PTK2: variants seen among roughly 807,000 people sequenced by gnomAD.
PTK2 encodes the protein focal adhesion kinase 1.
Under a neutral mutation model 150.1 loss-of-function variants are expected in PTK2, and 45 were observed. That is an observed-to-expected ratio of 0.30 (90% CI 0.24 to 0.38). The LOEUF is 0.38. Ranked by LOEUF, PTK2 falls within the 10% of genes least tolerant of loss-of-function variation. The probability of loss-of-function intolerance (pLI) is 1.00; values close to 1 mark genes in which losing one functional copy is unlikely to be tolerated. For synonymous variants in PTK2, 432 were observed against 449.2 expected (o/e 0.96, Z 0.48); for missense variants, 919 against 1,307.3 (o/e 0.70, Z 4.58).
intron 2 of PTK2, among the ~76,000 whole-genome samples, chr8:140,914,138 T>C (rs2100164264): frequency 6.6e-6 from 1 of 152,172 alleles, no homozygotes; most frequent in Non-Finnish European, 1.5e-5. Flanking sequence ...AAGAAGTTAA[T>C]ATACACCTAA....
intron 7 of PTK2, among the ~76,000 whole-genome samples, chr8:140,839,761 G>A (rs1347748150): frequency 6.6e-6 from 1 of 152,148 alleles, no homozygotes; most frequent in Non-Finnish European, 1.5e-5. Flanking sequence ...AAATATATCT[G>A]TTGATTATTA....
chr8:140,922,426 T>C (rs1042163841), intron 2 of PTK2, among the ~76,000 whole-genome samples: 2 of 150,346 alleles, frequency 1.3e-5, no homozygotes, highest in Admixed American at 1.3e-4. Context: ...CATGAAAAAA[T>C]ATCCCCAGCC....
chr8:140,778,672 C>A (rs920634445), intron 14 of PTK2, among the ~76,000 whole-genome samples: 7 of 152,076 alleles, frequency 4.6e-5, no homozygotes, highest in Non-Finnish European at 8.8e-5. Flanking sequence ...TTTAACTTGG[C>A]CAAGTGAGTT....
intron 7 of PTK2, among the ~76,000 whole-genome samples, chr8:140,835,712 A>G (rs1253418761): frequency 6.6e-6 from 1 of 152,168 alleles, no homozygotes; most frequent in Admixed American, 6.5e-5. Flanking sequence ...AAGGGAAAGT[A>G]TTAAACAGCA....
rs572715227 is a variant in PTK2, at chr8:140,959,057, C to T, written c.-121-33308G>A. ...ACAAAAGAATATATACAGTATAATT[C>T]TATTCCTATAAAGTTTAAAACTATA... On this transcript the variant is annotated intron_variant, in intron 1 of 31. Transcript: ENST00000522684. Among the ~76,000 whole-genome samples, 107 of 152,172 alleles carry T rather than the reference C, an allele frequency of 7.0e-4. 4 individuals carry two copies. The South Asian group carries it at 0.018, about 25-fold the overall frequency.
intron 5 of PTK2, among the ~76,000 whole-genome samples, chr8:140,862,411 T>C (rs1410709376): frequency 6.6e-6 from 1 of 152,134 alleles, no homozygotes; most frequent in Non-Finnish European, 1.5e-5. Context: ...GTCTGTAAGA[T>C]GAAAATTATT....
intron 23 of PTK2, among the ~76,000 whole-genome samples, chr8:140,710,183 G>C (rs923419219): frequency 6.6e-6 from 1 of 151,668 alleles, no homozygotes; most frequent in African/African-American, 2.4e-5. Context: ...ATGAAAATCA[G>C]CTGGGCAATG....
At chr8:140,986,878 T>C (rs1311211699) in intron 1 of PTK2, among the ~76,000 whole-genome samples, 1 of 152,104 alleles carries the variant, frequency 6.6e-6, no homozygotes, top group Non-Finnish European at 1.5e-5. Flanking sequence ...AAATGAAAAT[T>C]AAATCATAAA....
intron 26 of PTK2, among the ~76,000 whole-genome samples, chr8:140,698,689 A>G (rs769867472): frequency 6.6e-6 from 1 of 152,152 alleles, no homozygotes; most frequent in African/African-American, 2.4e-5. Context: ...ATCTTGGCTC[A>G]CTGCAACCTC....
intron 2 of PTK2, among the ~76,000 whole-genome samples, chr8:140,920,620 T>C (rs1420425843): frequency 1.3e-5 from 2 of 152,182 alleles, no homozygotes; most frequent in African/African-American, 4.8e-5. Context: ...ATAAAAAATA[T>C]TTTCATTTGC....
intron 23 of PTK2, among the ~76,000 whole-genome samples, chr8:140,707,806 G>A (rs975110285): frequency 6.6e-6 from 1 of 152,180 alleles, no homozygotes; most frequent in Non-Finnish European, 1.5e-5. Flanking sequence ...TGAATATTCT[G>A]AGCCTGAGGG....
Position 140,734,977 on chromosome 8 carries a change from A to G in PTK2, c.2030+274T>C, listed in dbSNP as rs1290394241. ...TAGTGAGGAAAGCCGGGACTAAGTT[A>G]TTACGGGTCTTGTAAGCCATGCTAA... On this transcript the variant is annotated intron_variant, in intron 22 of 31. Coordinates refer to ENST00000522684, the Ensembl canonical transcript of PTK2. 2.4e-5 allele frequency: 12 copies of G among 496,142 alleles called. No individual in the cohort carries two copies. In the Admixed American group the frequency reaches 3.6e-4, roughly 15 times the overall value. 30.7% of individuals were successfully genotyped at this position (496,142 alleles called of 1,614,324 possible). A position where few individuals can be genotyped will look rare whatever the true frequency, so the allele number is the denominator to read the frequency against.
At chr8:140,970,517 T>G (rs2100186836) in intron 1 of PTK2, among the ~76,000 whole-genome samples, 1 of 152,246 alleles carries the variant, frequency 6.6e-6, no homozygotes, top group Admixed American at 6.5e-5. Context: ...TCTCTTTTAT[T>G]CCTCACACTC....
intron 12 of PTK2, among the ~76,000 whole-genome samples, chr8:140,798,254 A>G (rs1011857357): frequency 1.3e-5 from 2 of 152,170 alleles, no homozygotes; most frequent in Non-Finnish European, 2.9e-5. Context: ...CTGTGTTCAC[A>G]TGTATTTTTG....
At chr8:140,889,185 A>C (rs2100153381) in intron 3 of PTK2, among the ~76,000 whole-genome samples, 1 of 152,196 alleles carries the variant, frequency 6.6e-6, no homozygotes, top group South Asian at 2.1e-4. Context: ...AGAGGTAACA[A>C]AAAATTATGT....
At chr8:140,720,533 T>C (rs2100042306) in intron 22 of PTK2, among the ~76,000 whole-genome samples, 1 of 152,182 alleles carries the variant, frequency 6.6e-6, no homozygotes, top group Non-Finnish European at 1.5e-5. Flanking sequence ...TGGACAACTC[T>C]GTCCCTCCAA....
At chr8:140,769,575 C>T (rs2100074410) in intron 14 of PTK2, 2 of 1,358,538 alleles carry the variant, frequency 1.5e-6, no homozygotes, top group Non-Finnish European at 2.0e-6. Context: ...TAAATATTAC[C>T]GTCCCCACTA....
intron 10 of PTK2, among the ~76,000 whole-genome samples, chr8:140,806,941 T>G (rs994810782): frequency 6.6e-6 from 1 of 152,242 alleles, no homozygotes; most frequent in African/African-American, 2.4e-5. Flanking sequence ...CACCCTACTA[T>G]AGCCCTTTAG....
chr8:140,964,850 T>G (rs1212540573), intron 1 of PTK2, among the ~76,000 whole-genome samples: 1 of 152,122 alleles, frequency 6.6e-6, no homozygotes, highest in Non-Finnish European at 1.5e-5. Flanking sequence ...TCAAAGACAC[T>G]CAGACCTTGC....
Sources: allele counts gnomAD v4.1 joint callset (sites outside exome capture counted in the v4.1 genomes callset), GRCh38; gene constraint gnomAD v4.1.1; transcripts MANE v1.5; gene names NCBI Gene and HGNC (gene_info 2026-07-23, HGNC 2026-07-21).